The following BICRA variants were observed in gnomAD, a reference collection of about 807,000 sequenced individuals.
BICRA encodes the protein BRD4-interacting chromatin-remodeling complex-associated protein.
In BICRA, 31 loss-of-function variants were observed where a neutral mutation model predicts 96.9. That is an observed-to-expected ratio of 0.32 (90% CI 0.24 to 0.43). The LOEUF is 0.43. Ranked by LOEUF, BICRA falls within the 20% of genes least tolerant of loss-of-function variation. The pLI is 1.00. For synonymous variants in BICRA, 1,350 were observed against 1,071.8 expected, an observed-to-expected ratio of 1.26 and a Z score of -5.07; for missense variants, 2,283 against 2,190.3, an observed-to-expected ratio of 1.04 and a Z score of -0.84.
At chr19:47,668,283 C>T (rs1334639462) in intron 1 of BICRA, among the ~76,000 whole-genome samples, 1 of 152,052 alleles carries the variant, frequency 6.6e-6, no homozygotes, top group Non-Finnish European at 1.5e-5. Flanking sequence ...CCCGTATTTG[C>T]GAATTCACCT....
At chr19:47,664,060 C>T (rs930361387) in intron 1 of BICRA, among the ~76,000 whole-genome samples, 4 of 152,126 alleles carry the variant, frequency 2.6e-5, no homozygotes, top group African/African-American at 7.2e-5. Context: ...CTTCTGCGAG[C>T]GGAGGAGGAG....
chr19:47,678,445 T>C (rs912193177), intron 5 of BICRA, among the ~76,000 whole-genome samples: 9 of 151,818 alleles, frequency 5.9e-5, no homozygotes, highest in African/African-American at 2.2e-4. Flanking sequence ...CGTCAGCTGG[T>C]AGAGATTGGG....
rs1054526477 is a variant in BICRA, at chr19:47,702,427, C to T, written c.*12C>T. 2.0e-6 allele frequency: 3 copies of T among 1,474,536 alleles called. No homozygotes were observed. Among genetic ancestry groups the T allele is most frequent in the South Asian group, 1.3e-5 (1 of 74,340 alleles). The allele number at this position is 1,474,536 out of a possible 1,614,324, so 91.3% of individuals were successfully genotyped here. A position where few individuals can be genotyped will look rare whatever the true frequency, so the allele number is the denominator to read the frequency against. ...CGTTGACCAGATAACACCGGGCCGC[C>T]TCCCCTTCCCCGTCCCCTCCTCCCG... is the stretch of plus-strand genomic sequence containing the variant. On this transcript the variant is annotated 3_prime_UTR_variant, in exon 15 of 15. Transcript: ENST00000594866.
At chr19:47,639,451 C>T (rs1327604915) in intron 1 of BICRA, among the ~76,000 whole-genome samples, 2 of 149,954 alleles carry the variant, frequency 1.3e-5, no homozygotes, top group African/African-American at 2.5e-5. Context: ...CTCAGCCTCC[C>T]GAGTAGCTGG....
At chr19:47,691,628 A>G (rs955323474) in intron 7 of BICRA, among the ~76,000 whole-genome samples, 2 of 152,116 alleles carry the variant, frequency 1.3e-5, no homozygotes, top group South Asian at 2.1e-4. Context: ...CAGTGGTACA[A>G]TCTTGGCTCA....
At chr19:47,654,112 C>T (rs1475419128) in intron 1 of BICRA, among the ~76,000 whole-genome samples, 1 of 152,138 alleles carries the variant, frequency 6.6e-6, no homozygotes, top group Non-Finnish European at 1.5e-5. Flanking sequence ...AACTGCCAGG[C>T]GGGTTTCCAC....
At position 47,694,310 on chromosome 19, in the gene BICRA, GC is replaced by G; in HGVS notation, c.2486del (p.Pro829GlnfsTer13). On this transcript the variant is annotated frameshift_variant, in exon 8 of 15. Transcript: ENST00000594866. LOFTEE classifies it high-confidence loss of function. The part of the protein sequence containing the change: ...PPLHPCPPPQ[A>X]PPTLPGIFVI... ...CTTGCACCCTTGCCCCCCACCCCAG[GC>G]CCCCCCAACTCTGCCTGGCATCTTT... 17 of 879,160 alleles carry G rather than the reference GC, an allele frequency of 1.9e-5. No homozygotes were observed. The highest frequency in any genetic ancestry group is 3.1e-4 in the Middle Eastern group (1 of 3,190). 54.5% of individuals were successfully genotyped at this position (879,160 alleles called of 1,614,324 possible).
At chr19:47,609,347 C>A (rs1176007856) in intron 1 of BICRA, among the ~76,000 whole-genome samples, 179 bp downstream of exon 1, 1 of 148,262 alleles carries the variant, frequency 6.7e-6, no homozygotes, top group African/African-American at 2.5e-5. Flanking sequence ...CACTCAGCCC[C>A]CCAGCCGGGG....
At position 47,702,568 on chromosome 19, in the gene BICRA, G is replaced by A. The variant is rs1196371676; in HGVS notation, c.*153G>A. ...AGTCACAAAGGCCTCCTTCCCTGCC[G>A]CCTGCTTCAGCTGGGTTGCTGGGGG... On this transcript the variant is annotated 3_prime_UTR_variant, in exon 15 of 15. Transcript: ENST00000594866. 1.4e-5 allele frequency: 12 copies of A among 874,554 alleles called. No homozygotes were observed. The East Asian group carries it at 3.3e-4, about 24-fold the overall frequency. The allele number at this position is 874,554 out of a possible 1,614,324, so 54.2% of individuals were successfully genotyped here. A position where few individuals can be genotyped will look rare whatever the true frequency, so the allele number is the denominator to read the frequency against.
intron 1 of BICRA, among the ~76,000 whole-genome samples, chr19:47,634,955 G>A (rs185579717): frequency 2.9e-3 from 443 of 151,762 alleles, no homozygotes; most frequent in Non-Finnish European, 5.1e-3. Context: ...GTAGAGATGG[G>A]GTTTCACTGT....
At position 47,673,665 on chromosome 19, in the gene BICRA, T is replaced by C. The variant is rs755984704; in HGVS notation, c.41+50T>C. 7 of 1,459,380 alleles carry C rather than the reference T, an allele frequency of 4.8e-6. No individual in the cohort carries two copies. In the African/African-American group the frequency reaches 8.4e-5, roughly 17 times the overall value. 90.4% of individuals were successfully genotyped at this position (1,459,380 alleles called of 1,614,324 possible). A position where few individuals can be genotyped will look rare whatever the true frequency, so the allele number is the denominator to read the frequency against. On this transcript the variant is annotated intron_variant, in intron 3 of 14. Coordinates refer to ENST00000594866, the MANE Select transcript of BICRA (RefSeq NM_001394372.1). ...TGCCCTCTGTCTCAACCCCCTCCCT[T>C]CCCTCCCCTCCCCAGCTCCTTACCT...
chr19:47,685,791 G>GCA (rs1973145444), intron 7 of BICRA, among the ~76,000 whole-genome samples: 3 of 127,716 alleles, frequency 2.3e-5, no homozygotes, highest in African/African-American at 7.1e-5. Flanking sequence ...GTGTGTGCGC[G>GCA]CGCGCGCGCA....
chr19:47,625,894 C>T (rs1053490941), intron 1 of BICRA, among the ~76,000 whole-genome samples: 1 of 152,038 alleles, frequency 6.6e-6, no homozygotes, highest in African/African-American at 2.4e-5. Flanking sequence ...TTAGGGAGAG[C>T]TCTGGCAGCT....
intron 7 of BICRA, among the ~76,000 whole-genome samples, chr19:47,686,226 C>T (rs187175572): frequency 7.7e-4 from 117 of 152,016 alleles, no homozygotes; most frequent in African/African-American, 2.2e-3. Flanking sequence ...CCACCATGCC[C>T]GGCACAAGAA....
Position 47,680,164 on chromosome 19 carries a change from G to A in BICRA, c.994G>A (p.Gly332Ser), listed in dbSNP as rs1009386596. 9 of 1,532,918 alleles carry A rather than the reference G, an allele frequency of 5.9e-6. No individual in the cohort carries two copies. In the African/African-American group the frequency reaches 7.0e-5, roughly 12 times the overall value. The allele number at this position is 1,532,918 out of a possible 1,614,324, so 95.0% of individuals were successfully genotyped here. ...GCCGCTGGCGGTGGCCCCAGGCCTC[G>A]GCTCGTCGCCACTGGTCCCGGCGCC... is the stretch of plus-strand genomic sequence containing the variant. ...GQPLAVAPGL[G>S]SSPLVPAPNV... Residue 332 changes from glycine (G) to serine (S), a missense_variant, in exon 6 of 15, where the codon GGC (glycine) becomes AGC (serine). Gly to Ser is a moderately conservative substitution (Grantham distance 56). Transcript: ENST00000594866.
In BICRA at chr19:47,679,552, C is replaced by T. The variant is rs758895374; in HGVS notation, c.382C>T (p.Pro128Ser). ...GGCCGAGGCTGAGCTGGACCTGGGT[C>T]CCTTCCAGCTGCCCACCCTGCAGCC... ...LEAEAELDLG[P>S]FQLPTLQPAD... Residue 128 changes from proline to serine, a missense_variant, in exon 6 of 15, where the codon CCC (proline) becomes TCC (serine). Physicochemically the swap from Pro to Ser is moderately conservative, Grantham distance 74. Transcript: ENST00000594866. 4.2e-5 allele frequency: 65 copies of T among 1,546,952 alleles called. 1 individual carries two copies. The highest frequency in any genetic ancestry group is 3.7e-4 in the Middle Eastern group (2 of 5,472).
chr19:47,665,263 ATTTG>A (rs1972761369), intron 1 of BICRA, among the ~76,000 whole-genome samples: 1 of 152,194 alleles, frequency 6.6e-6, no homozygotes, highest in Non-Finnish European at 1.5e-5. Flanking sequence ...AAATGAAAGG[ATTTG>A]TTTAATTTCC....
At chr19:47,617,583 C>T (rs575294199) in intron 1 of BICRA, among the ~76,000 whole-genome samples, 42 of 152,124 alleles carry the variant, frequency 2.8e-4, no homozygotes, top group African/African-American at 9.6e-4. Context: ...AGGCTGGTCT[C>T]GAACTCCTGA....
rs1973457371 is a variant in BICRA at position 47,701,855 on chromosome 19, C to T, written c.4123C>T (p.Pro1375Ser). The change falls in exon 15 of 15, where the codon CCC becomes TCC. Residue 1375 changes from proline to serine, a missense_variant. Transcript: ENST00000594866. The surrounding 1 kb of genome is among the most constrained non-coding windows in gnomAD (Gnocchi z 5.4). ...GCCGCCTGCCGCCCCCGAGCGCAAGCCCCTGGGCACCGCCCCGCACTGCCC... is the reference window on the plus strand; with the variant it reads ...GCCGCCTGCCGCCCCCGAGCGCAAGTCCCTGGGCACCGCCCCGCACTGCCC... ...HPPPAAPERK[P>S]LGTAPHCPRL... is the part of the protein sequence containing the mutation. The T allele has an allele frequency of 6.6e-7, 1 of 1,508,322 alleles. No individual in the cohort carries two copies. The highest frequency in any genetic ancestry group is 8.8e-7 in the Non-Finnish European group (1 of 1,132,464). 93.4% of individuals were successfully genotyped at this position (1,508,322 alleles called of 1,614,324 possible).
Sources: allele counts gnomAD v4.1 joint callset (sites outside exome capture counted in the v4.1 genomes callset), GRCh38; gene constraint gnomAD v4.1.1; non-coding constraint Gnocchi (gnomAD v3.1); transcripts MANE v1.5; gene names NCBI Gene and HGNC (gene_info 2026-07-23, HGNC 2026-07-21).